The following CACNA1C variants were observed in gnomAD, a reference collection of about 807,000 sequenced individuals.
The protein encoded by CACNA1C is voltage-dependent L-type calcium channel subunit alpha-1C.
CACNA1C carries 30 observed loss-of-function variants against 229.0 expected under a neutral mutation model. The observed-to-expected ratio is 0.13, with a 90% confidence interval of 0.10 to 0.18. The LOEUF (loss-of-function observed/expected upper bound fraction) is 0.18. CACNA1C is among the 10% of genes least tolerant of loss of function. The pLI, the probability that CACNA1C is intolerant of heterozygous loss-of-function variation, is 1.00. For synonymous variants in CACNA1C, 1,114 were observed against 1,132.5 expected (o/e 0.98, Z 0.33); for missense variants, 1,658 against 2,845.0 (o/e 0.58, Z 9.49).
chr12:2,558,162 C>T (rs555343857), intron 11 of CACNA1C, among the ~76,000 whole-genome samples: 7 of 152,262 alleles, frequency 4.6e-5, no homozygotes, highest in South Asian at 2.1e-4. Context: ...CTCTCTTGGA[C>T]GGAGCTGGAC....
chr12:2,395,209 CT>C (rs5796003), intron 3 of CACNA1C, among the ~76,000 whole-genome samples: 7,528 of 128,072 alleles, frequency 0.059, 218 homozygotes, highest in African/African-American at 0.091. Context: ...TTTTCTCTAG[CT>C]TTTTTTTTTT....
intron 30 of CACNA1C, 88 bp from the exon 31 acceptor site, chr12:2,648,387 G>A (rs1459911907): frequency 2.1e-5 from 26 of 1,233,060 alleles, no homozygotes; most frequent in Non-Finnish European, 2.9e-5. Flanking sequence ...CTGCCACTGT[G>A]TTGCTCCCGT....
At chr12:2,382,115 T>C (rs924331885) in intron 3 of CACNA1C, among the ~76,000 whole-genome samples, 5 of 152,238 alleles carry the variant, frequency 3.3e-5, no homozygotes, top group Non-Finnish European at 5.9e-5. Flanking sequence ...AATAACTGGA[T>C]CTTTATTATC....
chr12:2,115,478 C>G lies in CACNA1C; in HGVS notation c.304C>G (p.Arg102Gly). The G allele has an allele frequency of 6.2e-7, 1 of 1,613,506 alleles. No individual in the cohort carries two copies. The highest frequency in any genetic ancestry group is 8.5e-7 in the Non-Finnish European group (1 of 1,179,906). Residue 102 changes from arginine to glycine, a missense_variant, in exon 2 of 47, where the codon CGA (arginine) becomes GGA (glycine). Physicochemically the swap from Arg to Gly is moderately radical, Grantham distance 125. Coordinates refer to ENST00000399655, the MANE Select transcript of CACNA1C (RefSeq NM_000719.7). ...CAGCACCACGGCCACACGCCCGCCC[C>G]GAGCCCTGCTCTGCCTGACCCTGAA... ...QGSTTATRPP[R>G]ALLCLTLKNP...
chr12:2,191,777 C>T (rs1008110180), intron 3 of CACNA1C, among the ~76,000 whole-genome samples: 1 of 147,920 alleles, frequency 6.8e-6, no homozygotes, highest in Admixed American at 6.7e-5. Flanking sequence ...CCTCCACAGG[C>T]ACATACATGC....
intron 3 of CACNA1C, among the ~76,000 whole-genome samples, chr12:2,183,998 C>T (rs1344070911): frequency 1.3e-5 from 2 of 152,226 alleles, no homozygotes; most frequent in African/African-American, 4.8e-5. Context: ...GAGGGCCAGC[C>T]TCTGCCTGGT....
At chr12:2,229,273 G>T (rs754136789) in intron 3 of CACNA1C, among the ~76,000 whole-genome samples, 2 of 152,168 alleles carry the variant, frequency 1.3e-5, no homozygotes, top group Non-Finnish European at 2.9e-5. Flanking sequence ...CAGAGTGCAG[G>T]CTTGATACAG....
chr12:2,497,019 G>A (rs561622722), intron 7 of CACNA1C, among the ~76,000 whole-genome samples: 2 of 152,272 alleles, frequency 1.3e-5, no homozygotes, highest in African/African-American at 2.4e-5. Flanking sequence ...AATGTGTAAC[G>A]TTACCATTGT....
rs531050152 is a variant in CACNA1C at position 2,551,006 on chromosome 12, C to T, written c.1481+973C>T. On this transcript the variant is annotated intron_variant, in intron 10 of 46. Coordinates refer to ENST00000399655, the MANE Select transcript of CACNA1C (RefSeq NM_000719.7). ...TTATTGTCAAAATGTTGTTAAAATA[C>T]GATGCTAATTACATTTTTAAGCAGC... 1.5e-3 allele frequency among the ~76,000 whole-genome samples: 226 copies of T among 152,296 alleles called. 1 individual carries two copies. Among genetic ancestry groups the T allele is most frequent in the African/African-American group, 5.1e-3 (214 of 41,562 alleles).
At position 2,161,628 on chromosome 12, in the gene CACNA1C, C is replaced by T. The variant is rs959850620; in HGVS notation, c.477+41198C>T. On this transcript the variant is annotated intron_variant, in intron 3 of 46. Coordinates refer to ENST00000399655, the MANE Select transcript of CACNA1C (RefSeq NM_000719.7). ...ATGGGGACTGTGGCCTACTTTCTTG[C>T]TTTGTAAGAGTCACTTGCACTTTTC... Among the ~76,000 whole-genome samples, 4 of 152,218 alleles carry T rather than the reference C, an allele frequency of 2.6e-5. No individual in the cohort carries two copies. The East Asian group carries it at 7.7e-4, about 29-fold the overall frequency.
At chr12:2,484,768 CTCT>C (rs1186341509) in intron 5 of CACNA1C, among the ~76,000 whole-genome samples, 29 of 148,518 alleles carry the variant, frequency 2.0e-4, no homozygotes, top group Non-Finnish European at 4.1e-4. Flanking sequence ...TTCTTCGCGG[CTCT>C]GCATACTCCA....
chr12:2,365,967 A>C (rs1358525192), intron 3 of CACNA1C, among the ~76,000 whole-genome samples: 1 of 152,358 alleles, frequency 6.6e-6, no homozygotes, highest in East Asian at 1.9e-4. Flanking sequence ...GACATATGAA[A>C]ATATGCAAGG....
intron 5 of CACNA1C, among the ~76,000 whole-genome samples, chr12:2,482,439 TG>T (rs1265003669): frequency 1.3e-5 from 2 of 152,184 alleles, no homozygotes; most frequent in Non-Finnish European, 2.9e-5. Context: ...TGTGCGACCC[TG>T]GGTAGATCAC....
chr12:2,063,083 G>C (rs1198801701), intron 1 of CACNA1C, among the ~76,000 whole-genome samples: 1 of 151,584 alleles, frequency 6.6e-6, no homozygotes, highest in African/African-American at 2.4e-5. Context: ...TCTCTCTCCA[G>C]CCCTTGGCAA....
Position 2,474,480 on chromosome 12 carries a change from C to T in CACNA1C, c.758-11624C>T, listed in dbSNP as rs146586923. ...CATAAGAAGTACAGGCCAGGCCAGG[C>T]GCAGTAGCTCACGCCTATAATCCCA... is the stretch of plus-strand genomic sequence containing the variant. On this transcript the variant is annotated intron_variant, in intron 5 of 46. Transcript: ENST00000399655. Among the ~76,000 whole-genome samples, 1,123 of 152,298 alleles carry T rather than the reference C, an allele frequency of 7.4e-3. 14 individuals are homozygous for T. The highest frequency in any genetic ancestry group is 0.026 in the African/African-American group (1,064 of 41,560).
intron 5 of CACNA1C, among the ~76,000 whole-genome samples, chr12:2,478,560 A>G (rs1385889049): frequency 6.6e-6 from 1 of 152,224 alleles, no homozygotes; most frequent in African/African-American, 2.4e-5. Context: ...CCACACTTCA[A>G]ATAACAATGG....
chr12:2,690,781 C>T, intron 46 of CACNA1C, 119 bp from the exon 47 acceptor site: 2 of 969,636 alleles, frequency 2.1e-6, no homozygotes, highest in Non-Finnish European at 3.0e-6. Context: ...CACGTGCACA[C>T]ACGCACACTT....
At chr12:1,974,953 T>C (rs2033845723) in intron 1 of CACNA1C, among the ~76,000 whole-genome samples, 1 of 152,178 alleles carries the variant, frequency 6.6e-6, no homozygotes, top group African/African-American at 2.4e-5. Context: ...AACAGACTTC[T>C]TCATATTTGA....
rs1027140142 is a variant in CACNA1C at position 2,029,538 on chromosome 12, G to A, written c.139+58337G>A. Among the ~76,000 whole-genome samples the A allele has an allele frequency of 6.6e-6, 1 of 152,220 alleles. No individual in the cohort carries two copies. The highest frequency in any genetic ancestry group is 1.5e-5 in the Non-Finnish European group (1 of 68,036). On this transcript the variant is annotated intron_variant, in intron 1 of 46. Coordinates refer to the CACNA1C transcript ENST00000682462. The surrounding 1 kb of genome is among the most constrained non-coding windows in gnomAD (Gnocchi z 4.9). ...AATCATGCACTAGGTGAACTTTAGT[G>A]TCTGGCTTCTTTCACTTAGCATAAT...
Sources: gnomAD v4.1 joint callset for allele counts (sites outside exome capture counted in the v4.1 genomes callset) on GRCh38, gnomAD v4.1.1 for gene constraint, Gnocchi (gnomAD v3.1) non-coding constraint, MANE v1.5 for transcripts, NCBI Gene and HGNC (gene_info 2026-07-23, HGNC 2026-07-21) for gene names.